FAM167A: variants seen among roughly 807,000 people sequenced by gnomAD.
The protein encoded by FAM167A is family with sequence similarity 167 member A.
Under a neutral mutation model 14.9 loss-of-function variants are expected in FAM167A, and 23 were observed. That is an observed-to-expected ratio of 1.55 (90% CI 1.11 to 2.19). The LOEUF is 2.19. Ranked by LOEUF, FAM167A falls within the 30% of genes most tolerant of loss-of-function variation. The probability of loss-of-function intolerance (pLI) is 0.00; values close to 1 mark genes in which losing one functional copy is unlikely to be tolerated. For missense variants in FAM167A, 401 were observed against 281.5 expected (o/e 1.42, Z -3.04); for synonymous variants, 174 against 117.7 (o/e 1.48, Z -3.10).
At chr8:11,460,942 T>A (rs73663147) in intron 1 of FAM167A, among the ~76,000 whole-genome samples, 4 of 152,218 alleles carry the variant, frequency 2.6e-5, no homozygotes, top group Non-Finnish European at 5.9e-5. Flanking sequence ...TGCTGAATAA[T>A]TGATGGGCTC....
At chr8:11,465,610 C>A (rs538645235) in intron 1 of FAM167A, among the ~76,000 whole-genome samples, 87 of 152,364 alleles carry the variant, frequency 5.7e-4, no homozygotes, top group Admixed American at 2.2e-3. Context: ...CCTGCCAACG[C>A]CCTCAGGCAA....
intron 1 of FAM167A, chr8:11,445,136 A>C: frequency 1.0e-6 from 1 of 985,220 alleles, no homozygotes; most frequent in Non-Finnish European, 1.2e-6. Context: ...CCTAGAAGTT[A>C]AATGACTCAC....
chr8:11,422,355 C>CGTGTGTGTGTGTGTGGGGGTGT lies in FAM167A; in HGVS notation c.*1996_*2017dup, dbSNP rs1372518611. 2 of 133,952 alleles carry CGTGTGTGTGTGTGTGGGGGTGT rather than the reference C, an allele frequency of 1.5e-5. No homozygotes were observed. Among genetic ancestry groups the CGTGTGTGTGTGTGTGGGGGTGT allele is most frequent in the Admixed American group, 1.4e-4 (2 of 13,828 alleles). 8.3% of individuals were successfully genotyped at this position (133,952 alleles called of 1,614,324 possible). On this transcript the variant is annotated 3_prime_UTR_variant, in exon 3 of 3. Coordinates refer to ENST00000284486, the MANE Select transcript of FAM167A (RefSeq NM_053279.3). ...AGGATGTTTATGGCATGTTCTCTGT[C>CGTGTGTGTGTGTGTGGGGGTGT]GTGTGTGTGTGTGTGGGGGTGTGTG...
chr8:11,439,491 AGTG>A (rs1806292276), intron 2 of FAM167A, among the ~76,000 whole-genome samples: 1 of 152,272 alleles, frequency 6.6e-6, no homozygotes, highest in Non-Finnish European at 1.5e-5. Flanking sequence ...CTGTGGCCAC[AGTG>A]GGGCCAGCTG....
At chr8:11,473,975 G>A (rs547955394) in intron 1 of FAM167A, among the ~76,000 whole-genome samples, 2 of 152,240 alleles carry the variant, frequency 1.3e-5, no homozygotes, top group South Asian at 2.1e-4. Context: ...CTGGGTTCAA[G>A]CGATTTTCCT....
At chr8:11,426,355 T>C (rs182955290) in intron 2 of FAM167A, among the ~76,000 whole-genome samples, 131 of 152,324 alleles carry the variant, frequency 8.6e-4, no homozygotes, top group African/African-American at 3.0e-3. Flanking sequence ...GGGCGAGCTT[T>C]CTCAGGACCT....
At chr8:11,430,074 T>C (rs1401224836) in intron 2 of FAM167A, among the ~76,000 whole-genome samples, 15 of 152,180 alleles carry the variant, frequency 9.9e-5, no homozygotes, top group Non-Finnish European at 1.5e-5. Flanking sequence ...GACTCAACTC[T>C]CAGTGTGGGT....
At chr8:11,448,790 AT>A (rs1048026443) in intron 1 of FAM167A, among the ~76,000 whole-genome samples, 7 of 152,304 alleles carry the variant, frequency 4.6e-5, no homozygotes, top group Non-Finnish European at 8.8e-5. Flanking sequence ...TGCTCTCTGC[AT>A]GGCAGACCAA....
At position 11,444,290 on chromosome 8, in the gene FAM167A, G is replaced by C. The variant is rs1432961764; in HGVS notation, c.122C>G (p.Thr41Ser). The change falls in exon 2 of 3, where the codon ACC becomes AGC. Residue 41 changes from threonine (T) to serine (S), a missense_variant. By Grantham distance (58) the Thr-to-Ser change is moderately conservative. Coordinates refer to ENST00000284486, the MANE Select transcript of FAM167A (RefSeq NM_053279.3). ...CCATTCCAGGTAGGAGGGCCTGCGGGTCTCCAGCCTCAGTTTCTCGGTGAG... is the reference window on the plus strand; with the variant it reads ...CCATTCCAGGTAGGAGGGCCTGCGGCTCTCCAGCCTCAGTTTCTCGGTGAG... ...KALTEKLRLE[T>S]RRPSYLEWQA... is the part of the protein sequence containing the mutation. 1.9e-6 allele frequency: 3 copies of C among 1,611,910 alleles called. No homozygotes were observed. The African/African-American group carries it at 4.0e-5, about 22-fold the overall frequency.
At chr8:11,451,569 C>T (rs1181607164) in intron 1 of FAM167A, among the ~76,000 whole-genome samples, 1 of 152,234 alleles carries the variant, frequency 6.6e-6, no homozygotes, top group Non-Finnish European at 1.5e-5. Flanking sequence ...TTGTGCAGAA[C>T]AGCAGGCAGG....
rs1806674020 is a variant in FAM167A at position 11,444,657 on chromosome 8, A to C, written c.-246T>G. ...TCCGTCCTGGAAGCCTGTGGGTGCCATGCTCCACAGAAGGCAGGAACAGAC... is the reference window on the plus strand; with the variant it reads ...TCCGTCCTGGAAGCCTGTGGGTGCCCTGCTCCACAGAAGGCAGGAACAGAC... On this transcript the variant is annotated 5_prime_UTR_variant, in exon 2 of 3. The change abolishes an upstream ATG in the 5' untranslated region. Coordinates refer to ENST00000284486, the MANE Select transcript of FAM167A (RefSeq NM_053279.3). The C allele has an allele frequency of 7.0e-6, 9 of 1,289,314 alleles. No individual in the cohort carries two copies. The highest frequency in any genetic ancestry group is 8.8e-6 in the Non-Finnish European group (9 of 1,020,116). 79.9% of individuals were successfully genotyped at this position (1,289,314 alleles called of 1,614,324 possible).
rs963195021 is a variant in FAM167A, at chr8:11,475,457, C to T, written c.-398+409G>A. ...CACCCTGATGTTCAGCTGCGCAAGT[C>T]ACTCAGGCTTCTAGGATCTCAGAGT... On this transcript the variant is annotated intron_variant, in intron 1 of 1. Coordinates refer to the FAM167A transcript ENST00000648766. Among the ~76,000 whole-genome samples the T allele has an allele frequency of 2.6e-5, 4 of 152,112 alleles. No individual in the cohort carries two copies. In the East Asian group the frequency reaches 7.7e-4, roughly 29 times the overall value.
chr8:11,425,881 A>G (rs1329977901), intron 2 of FAM167A, among the ~76,000 whole-genome samples: 1 of 152,176 alleles, frequency 6.6e-6, no homozygotes, highest in Admixed American at 6.5e-5. Flanking sequence ...GCCCTGCAAA[A>G]CCATCTCTTG....
intron 1 of FAM167A, among the ~76,000 whole-genome samples, chr8:11,457,882 G>A (rs1393983971): frequency 6.6e-6 from 1 of 152,148 alleles, no homozygotes; most frequent in African/African-American, 2.4e-5. Context: ...GCATGACCTT[G>A]AACTGTGGGA....
intron 1 of FAM167A, among the ~76,000 whole-genome samples, chr8:11,456,138 T>A (rs1164163498): frequency 8.3e-5 from 2 of 24,098 alleles, no homozygotes; most frequent in Admixed American, 5.1e-4. Context: ...TGCCTTGCTG[T>A]GTGTGTGTGT....
intron 1 of FAM167A, among the ~76,000 whole-genome samples, chr8:11,454,581 G>A (rs1388414424): frequency 6.6e-6 from 1 of 152,182 alleles, no homozygotes; most frequent in Non-Finnish European, 1.5e-5. Flanking sequence ...GGCTCTAAGG[G>A]GTTTCATACA....
intron 1 of FAM167A, among the ~76,000 whole-genome samples, chr8:11,447,069 G>A (rs1328066400): frequency 6.6e-6 from 1 of 152,248 alleles, no homozygotes; most frequent in Non-Finnish European, 1.5e-5. Flanking sequence ...CTGCAGAGGT[G>A]AGGGCATCCC....
intron 1 of FAM167A, among the ~76,000 whole-genome samples, chr8:11,474,416 G>A (rs1797806893): frequency 6.6e-6 from 1 of 152,194 alleles, no homozygotes; most frequent in African/African-American, 2.4e-5. Context: ...CATGCCCCGT[G>A]GTTCAGCCAC....
At chr8:11,459,655 C>T (rs1807459423) in intron 1 of FAM167A, among the ~76,000 whole-genome samples, 1 of 152,218 alleles carries the variant, frequency 6.6e-6, no homozygotes, top group South Asian at 2.1e-4. Flanking sequence ...CATTAACAAC[C>T]TGTGACGCTG....
Sources: gnomAD v4.1 joint callset for allele counts (sites outside exome capture counted in the v4.1 genomes callset) on GRCh38, gnomAD v4.1.1 for gene constraint, MANE v1.5 for transcripts, NCBI Gene and HGNC (gene_info 2026-07-23, HGNC 2026-07-21) for gene names.